Variants in PDE3A observed in about 807,000 individuals in gnomAD.
The protein encoded by PDE3A is cGMP-inhibited 3',5'-cyclic phosphodiesterase 3A.
PDE3A carries 43 observed loss-of-function variants against 98.3 expected under a neutral mutation model. The observed-to-expected ratio is 0.44, with a 90% confidence interval of 0.34 to 0.56. The LOEUF (loss-of-function observed/expected upper bound fraction) is 0.56, where lower values mean the gene tolerates loss of function less well. PDE3A is among the 20% of genes least tolerant of loss of function. PDE3A has a pLI of 0.01. For synonymous variants in PDE3A, 663 were observed against 567.9 expected (o/e 1.17, Z -2.38); for missense variants, 1,427 against 1,440.7 (o/e 0.99, Z 0.15).
intron 1 of PDE3A, among the ~76,000 whole-genome samples, chr12:20,541,468 A>T (rs779174405): frequency 1.1e-4 from 16 of 152,014 alleles, no homozygotes; most frequent in Non-Finnish European, 2.4e-4. Flanking sequence ...TTGAAATAGA[A>T]AAAAAGAATG....
intron 5 of PDE3A, among the ~76,000 whole-genome samples, chr12:20,624,408 C>T (rs1944209287): frequency 6.6e-6 from 1 of 152,156 alleles, no homozygotes; most frequent in African/African-American, 2.4e-5. Flanking sequence ...CCTCATATTC[C>T]TGTGTCCTGA....
intron 2 of PDE3A, among the ~76,000 whole-genome samples, chr12:20,579,733 T>A (rs112137867): frequency 0.013 from 1,913 of 152,290 alleles, 35 homozygotes; most frequent in African/African-American, 0.044. Flanking sequence ...CAGTTCTGAA[T>A]AACTTTCTAC....
rs142229935 is a variant in PDE3A, at chr12:20,396,386, C to T, written c.960+26142C>T. Among the ~76,000 whole-genome samples, 43 of 152,044 alleles carry T rather than the reference C, an allele frequency of 2.8e-4. 2 individuals carry two copies. In the East Asian group the frequency reaches 7.4e-3, roughly 26 times the overall value. On this transcript the variant is annotated intron_variant, in intron 1 of 15. Transcript: ENST00000359062. ...GCTGGCATGTAGTGCTATTGTGAAGCCAGTACAGTTTCGTCTGGGTGGTGA... is the reference window on the plus strand; with the variant it reads ...GCTGGCATGTAGTGCTATTGTGAAGTCAGTACAGTTTCGTCTGGGTGGTGA...
rs1945952678 is a variant in PDE3A, at chr12:20,686,054, A to T, written c.*5783A>T. On this transcript the variant is annotated 3_prime_UTR_variant, in exon 16 of 16. Coordinates refer to ENST00000359062, the MANE Select transcript of PDE3A (RefSeq NM_000921.5). ...TTTCACATAATCAGAACTGTAAACT[A>T]CTGATTATTTTCATATACTCAGAGG... Among the ~76,000 whole-genome samples, 1 of 152,170 alleles carries T rather than the reference A, an allele frequency of 6.6e-6. No individual in the cohort carries two copies. Among genetic ancestry groups the T allele is most frequent in the Non-Finnish European group, 1.5e-5 (1 of 68,024 alleles).
chr12:20,553,427 C>T (rs1942272391), intron 1 of PDE3A, among the ~76,000 whole-genome samples: 1 of 121,128 alleles, frequency 8.3e-6, no homozygotes, highest in Non-Finnish European at 1.7e-5. Context: ...CCCCCAAGGT[C>T]AGAGCAAGCA....
chr12:20,616,164 A>G lies in PDE3A; in HGVS notation c.1270-66A>G, dbSNP rs756331127. 4.3e-6 allele frequency: 6 copies of G among 1,403,114 alleles called. No individual in the cohort carries two copies. In the African/African-American group the frequency reaches 4.3e-5, roughly 10 times the overall value. 86.9% of individuals were successfully genotyped at this position (1,403,114 alleles called of 1,614,324 possible). A position where few individuals can be genotyped will look rare whatever the true frequency, so the allele number is the denominator to read the frequency against. The stretch of plus-strand genomic sequence containing the variant: ...TCTAATTAAAAGCTTGTTTCCTTCT[A>G]TTATATTACATAAAATTTAAGAGAT... On this transcript the variant is annotated intron_variant, in intron 3 of 15. Coordinates refer to ENST00000359062, the MANE Select transcript of PDE3A (RefSeq NM_000921.5).
At chr12:20,495,192 T>C (rs925657602) in intron 1 of PDE3A, among the ~76,000 whole-genome samples, 2 of 152,042 alleles carry the variant, frequency 1.3e-5, no homozygotes, top group African/African-American at 4.8e-5. Context: ...TATCCTCTTC[T>C]TTCCTCTCCT....
At chr12:20,636,014 T>C (rs1357304116) in intron 8 of PDE3A, among the ~76,000 whole-genome samples, 1 of 152,030 alleles carries the variant, frequency 6.6e-6, no homozygotes, top group East Asian at 1.9e-4. Context: ...CTTAAAACAA[T>C]ATTTTATAAA....
chr12:20,569,507 A>T (rs1942744020), intron 2 of PDE3A, among the ~76,000 whole-genome samples: 1 of 152,138 alleles, frequency 6.6e-6, no homozygotes, highest in Non-Finnish European at 1.5e-5. Flanking sequence ...AAATCACAGG[A>T]TAAGAGAAGA....
At chr12:20,570,449 G>C (rs1161198028) in intron 2 of PDE3A, among the ~76,000 whole-genome samples, 1 of 138,636 alleles carries the variant, frequency 7.2e-6, no homozygotes, top group East Asian at 2.1e-4. Flanking sequence ...GGTGTAAAGG[G>C]AGTGAAATTT....
chr12:20,534,348 G>A (rs2121198313), intron 1 of PDE3A, among the ~76,000 whole-genome samples: 2 of 152,206 alleles, frequency 1.3e-5, no homozygotes, highest in Admixed American at 1.3e-4. Context: ...AGTATCCATG[G>A]CTTTCTGAAG....
rs762686127 is a variant in PDE3A at position 20,634,977 on chromosome 12, A to G, written c.1922A>G (p.Asp641Gly). Residue 641 changes from aspartate to glycine, a missense_variant, in exon 8 of 16, where the codon GAT becomes GGT. Asp to Gly is a moderately conservative substitution (Grantham distance 94, BLOSUM62 -1). This residue lies in a region of PDE3A where 1,012 missense variants were observed against 886.5 expected (regional missense o/e 1.14). Transcript: ENST00000359062. The stretch of plus-strand genomic sequence containing the variant: ...AGCAGTGACATTGTACAGAATGAAG[A>G]TGAAACAGAGTGCCTGAGAGAGCCT... ...SDSSDIVQNE[D>G]ETECLREPLR... 2 of 1,612,630 alleles carry G rather than the reference A, an allele frequency of 1.2e-6. No homozygotes were observed. Among genetic ancestry groups the G allele is most frequent in the African/African-American group, 1.3e-5 (1 of 74,896 alleles).
At chr12:20,652,429 T>C (rs59022244) in intron 14 of PDE3A, among the ~76,000 whole-genome samples, 7,660 of 152,144 alleles carry the variant, frequency 0.05, 371 homozygotes, top group African/African-American at 0.12. Flanking sequence ...CTCCAGCACC[T>C]GTTGTTTCCT....
intron 1 of PDE3A, among the ~76,000 whole-genome samples, chr12:20,543,939 G>A (rs1371072379): frequency 1.3e-5 from 2 of 151,742 alleles, no homozygotes; most frequent in Non-Finnish European, 2.9e-5. Context: ...TGAAACTGAG[G>A]CACAAAGACA....
intron 1 of PDE3A, among the ~76,000 whole-genome samples, chr12:20,541,368 G>A (rs1286018094): frequency 1.3e-5 from 2 of 151,886 alleles, no homozygotes; most frequent in African/African-American, 2.4e-5. Flanking sequence ...GTCTCTCAAA[G>A]TGCTGGGATT....
rs182775916 is a variant in PDE3A, at chr12:20,618,302, A to T, written c.1424+1918A>T. On this transcript the variant is annotated intron_variant, in intron 4 of 15. Coordinates refer to ENST00000359062, the MANE Select transcript of PDE3A (RefSeq NM_000921.5). Reference sequence around the variant, plus strand: ...GGCTTGATTATAAATCACAGTCAAAACCTTCTTTTGAGTTTTAGCCCTGAA... The same window carrying T: ...GGCTTGATTATAAATCACAGTCAAATCCTTCTTTTGAGTTTTAGCCCTGAA... Among the ~76,000 whole-genome samples, 282 of 151,504 alleles carry T rather than the reference A, an allele frequency of 1.9e-3. 2 individuals are homozygous for T. The highest frequency in any genetic ancestry group is 2.9e-3 in the South Asian group (14 of 4,790).
chr12:20,679,537 T>C lies in PDE3A; in HGVS notation c.3185-493T>C, dbSNP rs142993328. 2.6e-3 allele frequency among the ~76,000 whole-genome samples: 399 copies of C among 152,282 alleles called. 3 individuals carry two copies. Among genetic ancestry groups the C allele is most frequent in the African/African-American group, 8.6e-3 (359 of 41,566 alleles). ...GCTGGGATTCACAGACGTGAGCCAC[T>C]GCACCCAGCCTGAAATTAATTTTTT... On this transcript the variant is annotated intron_variant, in intron 15 of 15. Transcript: ENST00000359062.
chr12:20,475,718 T>TACAC lies in PDE3A; in HGVS notation c.961-80928_961-80925dup, dbSNP rs79608583. The stretch of plus-strand genomic sequence containing the variant: ...GCACTTCAGCCTGGGTGACACACCA[T>TACAC]ACACACACACACACACATACACAAT... On this transcript the variant is annotated intron_variant, in intron 1 of 15. Transcript: ENST00000359062. Among the ~76,000 whole-genome samples, 242 of 150,732 alleles carry TACAC rather than the reference T, an allele frequency of 1.6e-3. 2 individuals carry two copies. The highest frequency in any genetic ancestry group is 0.014 in the East Asian group (70 of 5,064).
At chr12:20,426,440 G>A (rs1944603320) in intron 1 of PDE3A, among the ~76,000 whole-genome samples, 1 of 152,090 alleles carries the variant, frequency 6.6e-6, no homozygotes, top group Non-Finnish European at 1.5e-5. Context: ...CCACATCATG[G>A]GAAGTAACAT....
Sources: allele counts gnomAD v4.1 joint callset (sites outside exome capture counted in the v4.1 genomes callset), GRCh38; gene constraint gnomAD v4.1.1; regional missense constraint gnomAD v4.1.1; transcripts MANE v1.5; gene names NCBI Gene and HGNC (gene_info 2026-07-23, HGNC 2026-07-21).